Variants in FAF2 observed in about 807,000 individuals in gnomAD.
FAF2 encodes the protein Fas associated factor family member 2.
FAF2 carries 9 observed loss-of-function variants against 62.3 expected under a neutral mutation model. That is an observed-to-expected ratio of 0.14 (90% CI 0.09 to 0.25). The LOEUF is 0.25. Among genes scored for constraint, FAF2 ranks in the 10% least tolerant of loss-of-function variants. The pLI is 1.00. For synonymous variants in FAF2, 202 were observed against 198.0 expected, an observed-to-expected ratio of 1.02 and a Z score of -0.17; for missense variants, 368 against 556.2, an observed-to-expected ratio of 0.66 and a Z score of 3.40.
At chr5:176,476,627 C>CTTTTT (rs58104178) in intron 1 of FAF2, among the ~76,000 whole-genome samples, 14 of 95,058 alleles carry the variant, frequency 1.5e-4, no homozygotes, top group East Asian at 3.8e-4. Context: ...ATTAGAGTCC[C>CTTTTT]TTTTTTTTTT....
intron 3 of FAF2, among the ~76,000 whole-genome samples, chr5:176,488,303 T>C (rs898483856): frequency 6.6e-6 from 1 of 151,902 alleles, no homozygotes; most frequent in African/African-American, 2.4e-5. Flanking sequence ...TATTTTGATG[T>C]GTAAATCTAA....
intron 1 of FAF2, among the ~76,000 whole-genome samples, chr5:176,460,556 T>TGTGTGTA (rs1581469023): frequency 1.0e-5 from 1 of 98,206 alleles, no homozygotes; most frequent in African/African-American, 3.5e-5. Context: ...GTGTGTGTAT[T>TGTGTGTA]TTTTTTTTCC....
chr5:176,471,170 A>T (rs958370951), intron 1 of FAF2, among the ~76,000 whole-genome samples: 1 of 152,064 alleles, frequency 6.6e-6, no homozygotes, highest in Non-Finnish European at 1.5e-5. Flanking sequence ...CTGTCATTCT[A>T]TTCTATGCCA....
chr5:176,495,154 G>A (rs539560086), intron 7 of FAF2, among the ~76,000 whole-genome samples: 20 of 152,198 alleles, frequency 1.3e-4, no homozygotes, highest in African/African-American at 2.6e-4. Flanking sequence ...TAAAAGATAC[G>A]AAGGCATCCA....
At chr5:176,493,837 G>A (rs1329005319) in intron 5 of FAF2, among the ~76,000 whole-genome samples, 162 bp from the exon 6 acceptor site, 1 of 152,156 alleles carries the variant, frequency 6.6e-6, no homozygotes, top group Non-Finnish European at 1.5e-5. Flanking sequence ...TGCCAGGGGT[G>A]TGAAGGTAGG....
At chr5:176,464,862 G>A (rs527718202) in intron 1 of FAF2, among the ~76,000 whole-genome samples, 12 of 152,070 alleles carry the variant, frequency 7.9e-5, no homozygotes, top group African/African-American at 2.2e-4. Context: ...TTTCTAAAAG[G>A]GGTATTTGAA....
chr5:176,482,272 C>T (rs1363449193), intron 2 of FAF2, among the ~76,000 whole-genome samples: 3 of 147,516 alleles, frequency 2.0e-5, no homozygotes, highest in Non-Finnish European at 4.4e-5. Flanking sequence ...GGCTAGAGTG[C>T]AGAGGCGTGA....
At chr5:176,448,771 C>A (rs1758114724) in intron 1 of FAF2, among the ~76,000 whole-genome samples, 1 of 152,194 alleles carries the variant, frequency 6.6e-6, no homozygotes, top group African/African-American at 2.4e-5. Flanking sequence ...GCCCGGTTAT[C>A]GGTCGGACCC....
At chr5:176,475,215 ACCT>A (rs1311673448) in intron 1 of FAF2, among the ~76,000 whole-genome samples, 1 of 151,982 alleles carries the variant, frequency 6.6e-6, no homozygotes, top group African/African-American at 2.4e-5. Flanking sequence ...TGCAGTCTTG[ACCT>A]CCTCAGGCTC....
At chr5:176,490,069 T>C (rs1244343094) in intron 4 of FAF2, among the ~76,000 whole-genome samples, 1 of 151,870 alleles carries the variant, frequency 6.6e-6, no homozygotes, top group Non-Finnish European at 1.5e-5. Context: ...CCCAGCACTT[T>C]GGGAGGCTGA....
At chr5:176,487,999 C>T (rs1265919653) in intron 3 of FAF2, among the ~76,000 whole-genome samples, 4 of 151,952 alleles carry the variant, frequency 2.6e-5, no homozygotes, top group Admixed American at 6.6e-5. Context: ...CCCACCACCG[C>T]GTCTGGCTAA....
At position 176,508,699 on chromosome 5, in the gene FAF2, G is replaced by A. The variant is rs890895093; in HGVS notation, c.*1749G>A. 3.9e-5 allele frequency: 6 copies of A among 152,146 alleles called. No homozygotes were observed. Among genetic ancestry groups the A allele is most frequent in the Non-Finnish European group, 8.8e-5 (6 of 68,028 alleles). 9.4% of individuals were successfully genotyped at this position (152,146 alleles called of 1,614,324 possible). On this transcript the variant is annotated 3_prime_UTR_variant, in exon 11 of 11. Coordinates refer to ENST00000261942, the MANE Select transcript of FAF2 (RefSeq NM_014613.3). ...CCACTTCGTTTTCTGCTGTCCCAAGGCCAGATGAGTGGAATCACCATCTGA... is the reference window on the plus strand; with the variant it reads ...CCACTTCGTTTTCTGCTGTCCCAAGACCAGATGAGTGGAATCACCATCTGA...
At chr5:176,460,347 T>C (rs1482797088) in intron 1 of FAF2, among the ~76,000 whole-genome samples, 1 of 152,222 alleles carries the variant, frequency 6.6e-6, no homozygotes, top group African/African-American at 2.4e-5. Flanking sequence ...TAACTTACAT[T>C]CCCACCAGTG....
intron 1 of FAF2, among the ~76,000 whole-genome samples, chr5:176,476,033 A>C (rs1421259094): frequency 6.6e-6 from 1 of 152,166 alleles, no homozygotes; most frequent in Non-Finnish European, 1.5e-5. Flanking sequence ...AGGCGGGAGG[A>C]TCGCTTGAGC....
At chr5:176,478,901 C>CT (rs1758744696) in intron 1 of FAF2, among the ~76,000 whole-genome samples, 1 of 152,176 alleles carries the variant, frequency 6.6e-6, no homozygotes, top group South Asian at 2.1e-4. Context: ...GTTGAAAAAT[C>CT]TTTAATTTTT....
At chr5:176,472,478 T>C (rs774028418) in intron 1 of FAF2, among the ~76,000 whole-genome samples, 1 of 152,006 alleles carries the variant, frequency 6.6e-6, no homozygotes, top group Non-Finnish European at 1.5e-5. Flanking sequence ...GAACAGGGTC[T>C]TGCTATGTTG....
Position 176,492,321 on chromosome 5 carries a change from A to G in FAF2, c.472A>G (p.Thr158Ala), listed in dbSNP as rs776443458. The G allele has an allele frequency of 6.2e-7, 1 of 1,613,748 alleles. No homozygotes were observed. Among genetic ancestry groups the G allele is most frequent in the Non-Finnish European group, 8.5e-7 (1 of 1,179,838 alleles). Residue 158 changes from threonine to alanine, a missense_variant, in exon 5 of 11, where the codon ACG becomes GCG. Thr to Ala is a moderately conservative substitution (Grantham distance 58). Coordinates refer to ENST00000261942, the MANE Select transcript of FAF2 (RefSeq NM_014613.3). ...GGCACACCCTGTCTTCTACCAGGGA[A>G]CGTACAGCCAGGTCAGTGCCATAAA... ...GRAHPVFYQG[T>A]YSQALNDAKR...
At chr5:176,479,043 T>C in intron 1 of FAF2, 145 bp from the exon 2 acceptor site, 1 of 683,266 alleles carries the variant, frequency 1.5e-6, no homozygotes, top group Non-Finnish European at 2.7e-6. Flanking sequence ...ACTGTATAAA[T>C]TCTGAATCGG....
rs201644451 is a variant in FAF2, at chr5:176,496,672, G to A, written c.839+9G>A. On this transcript the variant is annotated intron_variant, in intron 8 of 10. Coordinates refer to ENST00000261942, the MANE Select transcript of FAF2 (RefSeq NM_014613.3). ...TCAGAACGCCTAGAAAGGTACAAGG[G>A]AGTTCCCTTCTGGAACAGAGAGAGA... 6.0e-4 allele frequency: 921 copies of A among 1,533,494 alleles called. No homozygotes were observed. Among genetic ancestry groups the A allele is most frequent in the Non-Finnish European group, 7.7e-4 (879 of 1,139,930 alleles). The allele number at this position is 1,533,494 out of a possible 1,614,324, so 95.0% of individuals were successfully genotyped here.
Sources: gnomAD v4.1 joint callset for allele counts (sites outside exome capture counted in the v4.1 genomes callset) on GRCh38, gnomAD v4.1.1 for gene constraint, MANE v1.5 for transcripts, NCBI Gene and HGNC (gene_info 2026-07-23, HGNC 2026-07-21) for gene names.